The following MOB4 variants were observed in gnomAD, a reference collection of about 807,000 sequenced individuals.
MOB4 encodes MOB-like protein phocein.
In MOB4, 4 loss-of-function variants were observed where a neutral mutation model predicts 32.2. The ratio of observed to expected loss-of-function variants is 0.12; its 90% CI spans 0.06 to 0.28. The LOEUF is 0.28. Among genes scored for constraint, MOB4 ranks in the 10% least tolerant of loss-of-function variants. The pLI, the probability that MOB4 is intolerant of heterozygous loss-of-function variation, is 1.00. For synonymous variants in MOB4, 88 were observed against 88.1 expected (o/e 1.00, Z 0.01); for missense variants, 158 against 271.2 (o/e 0.58, Z 2.93).
chr2:197,516,142 C>A lies in MOB4; in HGVS notation c.56C>A (p.Ala19Glu). The change falls in exon 1 of 8, where the codon GCG (alanine) becomes GAG (glutamate). Residue 19 changes from alanine (A) to glutamate (E), a missense_variant. By Grantham distance (107) the Ala-to-Glu change is moderately radical (BLOSUM62 -1). This residue lies in a region of MOB4 where 41 missense variants were observed against 26.4 expected (regional missense o/e 1.55). Transcript: ENST00000323303. ...AGGCGGAACAGGCCGGGCACCAAGG[C>A]GCAGGTACCATGTCTGCACTTTTCT... ...VLRRNRPGTK[A>E]QDFYNWPDES... The A allele has an allele frequency of 6.2e-7, 1 of 1,602,756 alleles. No individual in the cohort carries two copies. Among genetic ancestry groups the A allele is most frequent in the African/African-American group, 1.3e-5 (1 of 74,472 alleles).
chr2:197,526,967 C>G (rs2086621342), intron 2 of MOB4, among the ~76,000 whole-genome samples: 1 of 151,936 alleles, frequency 6.6e-6, no homozygotes, highest in African/African-American at 2.4e-5. Context: ...TTTTATTTTT[C>G]TTAATAGAGA....
At chr2:197,516,473 G>T in intron 1 of MOB4, 1 of 1,060,470 alleles carries the variant, frequency 9.4e-7, no homozygotes. Context: ...CAGCTGACTA[G>T]CATTGGAGGG....
chr2:197,540,271 A>C (rs2086875048), intron 4 of MOB4, 80 bp from the exon 5 acceptor site: 1 of 1,476,772 alleles, frequency 6.8e-7, no homozygotes, highest in East Asian at 2.5e-5. Context: ...TCTAGAATTT[A>C]TTATGGAAAT....
At chr2:197,530,016 C>G (rs1015896872) in intron 2 of MOB4, among the ~76,000 whole-genome samples, 1 of 152,030 alleles carries the variant, frequency 6.6e-6, no homozygotes, top group South Asian at 2.1e-4. Context: ...GTCTCCCAGG[C>G]TGGAGTGCAG....
chr2:197,535,002 A>G (rs990019417), intron 2 of MOB4, among the ~76,000 whole-genome samples: 1 of 152,144 alleles, frequency 6.6e-6, no homozygotes, highest in African/African-American at 2.4e-5. Flanking sequence ...ATATAAACCA[A>G]ATCACAATAT....
intron 1 of MOB4, 99 bp downstream of exon 1, chr2:197,516,245 G>A: frequency 6.6e-7 from 1 of 1,515,368 alleles, no homozygotes; most frequent in Non-Finnish European, 8.8e-7. Context: ...CGAGGCGGCA[G>A]GCGGGCGGGC....
At chr2:197,549,672 C>T (rs554734443) in intron 6 of MOB4, among the ~76,000 whole-genome samples, 2 of 152,070 alleles carry the variant, frequency 1.3e-5, no homozygotes, top group South Asian at 4.2e-4. Context: ...GCCTCAGCCT[C>T]ATGAGTAGCT....
intron 1 of MOB4, chr2:197,516,789 C>T (rs1040172872): frequency 2.1e-6 from 1 of 469,344 alleles, no homozygotes; most frequent in African/African-American, 2.0e-5. Flanking sequence ...GAAGCATAGT[C>T]AGAGAATGAA....
At chr2:197,522,682 C>G (rs1298143653) in intron 1 of MOB4, among the ~76,000 whole-genome samples, 1 of 151,942 alleles carries the variant, frequency 6.6e-6, no homozygotes, top group African/African-American at 2.4e-5. Flanking sequence ...ATTCAAAACT[C>G]TATTTGGAAT....
chr2:197,528,745 A>G (rs550419239), intron 2 of MOB4, among the ~76,000 whole-genome samples: 16 of 150,428 alleles, frequency 1.1e-4, no homozygotes, highest in African/African-American at 3.9e-4. Context: ...CCTCCCGAGT[A>G]GCTGGGACTA....
chr2:197,523,181 C>T (rs887657758), intron 1 of MOB4, among the ~76,000 whole-genome samples: 1 of 151,628 alleles, frequency 6.6e-6, no homozygotes, highest in Non-Finnish European at 1.5e-5. Context: ...GACTTGTCTC[C>T]CCAATTAAGT....
At chr2:197,532,959 C>G (rs1026863879) in intron 2 of MOB4, among the ~76,000 whole-genome samples, 9 of 151,892 alleles carry the variant, frequency 5.9e-5, no homozygotes, top group African/African-American at 2.2e-4. Context: ...ATTAGCTGGG[C>G]ATGGTGGCGC....
intron 5 of MOB4, among the ~76,000 whole-genome samples, chr2:197,543,089 C>G (rs890269276): frequency 6.6e-6 from 1 of 152,040 alleles, no homozygotes; most frequent in Non-Finnish European, 1.5e-5. Context: ...GTCAGGAGTT[C>G]GAGACCAGCC....
chr2:197,548,265 C>G, intron 5 of MOB4, 71 bp from the exon 6 acceptor site: 2 of 1,310,288 alleles, frequency 1.5e-6, no homozygotes, highest in Non-Finnish European at 2.1e-6. Flanking sequence ...TAAGGTATAC[C>G]CATATAATGA....
At chr2:197,528,409 C>T (rs2086643437) in intron 2 of MOB4, among the ~76,000 whole-genome samples, 1 of 152,038 alleles carries the variant, frequency 6.6e-6, no homozygotes, top group African/African-American at 2.4e-5. Context: ...CATATGCACC[C>T]CTTTTGCTCC....
Position 197,540,103 on chromosome 2 carries a change from AT to A in MOB4, c.225-4del. On this transcript the variant is annotated splice_region_variant and splice_polypyrimidine_tract_variant and intron_variant, in intron 3 of 7. Coordinates refer to ENST00000323303, the MANE Select transcript of MOB4 (RefSeq NM_015387.5). Reference sequence around the variant, plus strand: ...TATGACTTTTTATTTATGTATTTGCATTTTCAGGCAGTTCTGCCTTGAGCTA... The same window carrying A: ...TATGACTTTTTATTTATGTATTTGCATTTCAGGCAGTTCTGCCTTGAGCTA... The A allele has an allele frequency of 6.3e-7, 1 of 1,592,306 alleles. No homozygotes were observed. Among genetic ancestry groups the A allele is most frequent in the Non-Finnish European group, 8.5e-7 (1 of 1,170,014 alleles).
chr2:197,531,052 T>A (rs13404679), intron 2 of MOB4, among the ~76,000 whole-genome samples: 6,064 of 149,036 alleles, frequency 0.041, 406 homozygotes, highest in African/African-American at 0.14. Flanking sequence ...TTTTTATTTT[T>A]ATTTTTTTTT....
chr2:197,531,505 G>A (rs960584035), intron 2 of MOB4, among the ~76,000 whole-genome samples: 1 of 151,828 alleles, frequency 6.6e-6, no homozygotes, highest in Non-Finnish European at 1.5e-5. Context: ...AGCCTACTCA[G>A]CTTCTTGAAT....
At chr2:197,541,910 C>G (rs1038682920) in intron 5 of MOB4, among the ~76,000 whole-genome samples, 1 of 147,418 alleles carries the variant, frequency 6.8e-6, no homozygotes, top group Admixed American at 7.0e-5. Flanking sequence ...CAGAGCGAGA[C>G]TCCGTCTCAA....
Sources: allele counts gnomAD v4.1 joint callset (sites outside exome capture counted in the v4.1 genomes callset), GRCh38; gene constraint gnomAD v4.1.1; regional missense constraint gnomAD v4.1.1; transcripts MANE v1.5; gene names NCBI Gene and HGNC (gene_info 2026-07-23, HGNC 2026-07-21).